The following MTHFD1L variants were observed in gnomAD, a reference collection of about 807,000 sequenced individuals.
The protein encoded by MTHFD1L is methylenetetrahydrofolate dehydrogenase (NADP+ dependent) 1 like, also known as monofunctional C1-tetrahydrofolate synthase, mitochondrial.
A neutral mutation model predicts 119.5 loss-of-function variants in MTHFD1L; 81 were observed. The observed-to-expected ratio is 0.68, with a 90% CI of 0.57 to 0.82. The LOEUF (loss-of-function observed/expected upper bound fraction) is 0.82. Ranked by LOEUF, MTHFD1L falls within the 40% of genes least tolerant of loss-of-function variation. MTHFD1L has a pLI of 0.00. For synonymous variants in MTHFD1L, 430 were observed against 475.2 expected, an observed-to-expected ratio of 0.90 and a Z score of 1.24; for missense variants, 1,125 against 1,253.4, an observed-to-expected ratio of 0.90 and a Z score of 1.55.
In MTHFD1L at chr6:151,031,697, G is replaced by A. The variant is rs551590582; in HGVS notation, c.2587-2796G>A. ...CTTAAAACAAGTTTTAAATTTTGCT[G>A]TAGTGAAATCTATATATCATTTCCT... On this transcript the variant is annotated intron_variant, in intron 24 of 27. Transcript: ENST00000367321. Among the ~76,000 whole-genome samples, 3 of 152,276 alleles carry A rather than the reference G, an allele frequency of 2.0e-5. No homozygotes were observed. In the Middle Eastern group the frequency reaches 0.01, roughly 518 times the overall value.
intron 23 of MTHFD1L, 104 bp from the exon 24 acceptor site, chr6:151,015,412 G>A (rs1378808797): frequency 2.4e-6 from 3 of 1,253,444 alleles, no homozygotes; most frequent in Non-Finnish European, 3.3e-6. Flanking sequence ...TGTTTAAAAT[G>A]TATTCAGTGT....
chr6:151,013,168 C>T (rs571684651), intron 21 of MTHFD1L, among the ~76,000 whole-genome samples: 3 of 152,254 alleles, frequency 2.0e-5, no homozygotes, highest in East Asian at 3.9e-4. Context: ...CTGCTTGAGC[C>T]CAAGAGTTCG....
At chr6:150,894,403 T>C (rs906045636) in intron 7 of MTHFD1L, among the ~76,000 whole-genome samples, 5 of 152,060 alleles carry the variant, frequency 3.3e-5, no homozygotes, top group Non-Finnish European at 1.5e-5. Context: ...CAGCCGAATA[T>C]TGGCCAAGGG....
intron 26 of MTHFD1L, among the ~76,000 whole-genome samples, chr6:151,073,310 A>C (rs897558473): frequency 1.3e-5 from 2 of 152,334 alleles, no homozygotes; most frequent in Non-Finnish European, 2.9e-5. Context: ...GGATCACCCG[A>C]AAGAATGAGG....
At chr6:150,996,540 T>C (rs987708351) in intron 20 of MTHFD1L, among the ~76,000 whole-genome samples, 2 of 152,130 alleles carry the variant, frequency 1.3e-5, no homozygotes, top group African/African-American at 4.8e-5. Context: ...ATTTCCTCCT[T>C]GATCTATGTG....
chr6:150,957,250 A>G (rs1279739327), intron 17 of MTHFD1L, among the ~76,000 whole-genome samples: 3 of 152,230 alleles, frequency 2.0e-5, no homozygotes, highest in Non-Finnish European at 4.4e-5. Context: ...GTAAAAGACA[A>G]TTTATGGATA....
Position 150,938,752 on chromosome 6 carries a change from C to G in MTHFD1L, c.1440+7C>G, listed in dbSNP as rs772748583. 1.9e-6 allele frequency: 3 copies of G among 1,605,364 alleles called. No individual in the cohort carries two copies. The highest frequency in any genetic ancestry group is 2.7e-5 in the African/African-American group (2 of 74,824). On this transcript the variant is annotated splice_region_variant and intron_variant, in intron 13 of 27. Coordinates refer to ENST00000367321, the MANE Select transcript of MTHFD1L (RefSeq NM_015440.5). ...GGTCATCCCCATGGAGGAGGTAAGA[C>G]CTTGAAGAGATGCGGGTCAGCTATC...
At chr6:150,867,706 G>A (rs1051794513) in intron 1 of MTHFD1L, among the ~76,000 whole-genome samples, 1 of 152,010 alleles carries the variant, frequency 6.6e-6, no homozygotes, top group Non-Finnish European at 1.5e-5. Context: ...TGGAGAGAGT[G>A]CCCAGCATGT....
At chr6:150,957,836 C>T (rs199909590) in intron 17 of MTHFD1L, among the ~76,000 whole-genome samples, 1 of 151,878 alleles carries the variant, frequency 6.6e-6, no homozygotes, top group South Asian at 2.1e-4. Context: ...ATTATAGGCA[C>T]TTACAACTTA....
chr6:150,866,334 C>G lies in MTHFD1L; in HGVS notation c.227+285C>G, dbSNP rs749210999. 8.3e-6 allele frequency: 12 copies of G among 1,449,124 alleles called. No individual in the cohort carries two copies. The African/African-American group carries it at 1.8e-4, about 22-fold the overall frequency. 89.8% of individuals were successfully genotyped at this position (1,449,124 alleles called of 1,614,324 possible). A position where few individuals can be genotyped will look rare whatever the true frequency, so the allele number is the denominator to read the frequency against. On this transcript the variant is annotated intron_variant, in intron 1 of 27. Transcript: ENST00000367321. Reference sequence around the variant, plus strand: ...GGCATGGACCGCACGCCCGGCTCCACGTGCGCAGCCGGCCGCCGGCTCTGA... The same window carrying G: ...GGCATGGACCGCACGCCCGGCTCCAGGTGCGCAGCCGGCCGCCGGCTCTGA...
intron 26 of MTHFD1L, among the ~76,000 whole-genome samples, chr6:151,070,647 C>A (rs1791853660): frequency 2.0e-5 from 3 of 152,232 alleles, no homozygotes; most frequent in South Asian, 4.1e-4. Context: ...TAGCACAAAA[C>A]CAGCCGTACT....
chr6:150,979,884 T>C (rs1461528675), intron 20 of MTHFD1L, among the ~76,000 whole-genome samples: 1 of 152,114 alleles, frequency 6.6e-6, no homozygotes, highest in East Asian at 1.9e-4. Flanking sequence ...GTTCTCTCTT[T>C]CCACTTTTAT....
chr6:150,925,043 T>A (rs1789695779), intron 10 of MTHFD1L, among the ~76,000 whole-genome samples: 1 of 152,006 alleles, frequency 6.6e-6, no homozygotes. Flanking sequence ...CCCTACAGGA[T>A]CCTGGAGGAG....
chr6:151,031,346 C>T (rs1584230432), intron 24 of MTHFD1L, among the ~76,000 whole-genome samples: 1 of 152,196 alleles, frequency 6.6e-6, no homozygotes, highest in South Asian at 2.1e-4. Context: ...TTCACACACT[C>T]GGGCTCCATT....
intron 24 of MTHFD1L, among the ~76,000 whole-genome samples, chr6:151,030,812 TA>T (rs1198595571): frequency 6.6e-6 from 1 of 152,222 alleles, no homozygotes; most frequent in Non-Finnish European, 1.5e-5. Context: ...TGCCTCTAGG[TA>T]AATAAGAGAT....
chr6:150,978,101 A>G (rs534050505), intron 20 of MTHFD1L, among the ~76,000 whole-genome samples: 49 of 152,090 alleles, frequency 3.2e-4, no homozygotes, highest in Non-Finnish European at 5.6e-4. Flanking sequence ...TGGTTTCACC[A>G]TGTTAGCCAG....
chr6:151,067,866 C>T (rs1231107124), intron 26 of MTHFD1L, among the ~76,000 whole-genome samples: 2 of 152,230 alleles, frequency 1.3e-5, no homozygotes, highest in Non-Finnish European at 2.9e-5. Context: ...TTATTCTCTT[C>T]CCCTGCCGAT....
intron 7 of MTHFD1L, chr6:150,898,869 C>T (rs931075989): frequency 1.3e-5 from 5 of 399,632 alleles, no homozygotes; most frequent in African/African-American, 6.5e-5. Context: ...GACGGAGTCT[C>T]GTTCTGTCAC....
chr6:151,033,800 C>T (rs1261710647), intron 24 of MTHFD1L, among the ~76,000 whole-genome samples: 13 of 152,112 alleles, frequency 8.5e-5, no homozygotes. Flanking sequence ...ATACTATGAA[C>T]CCGTATTCAG....
Sources: allele counts gnomAD v4.1 joint callset (sites outside exome capture counted in the v4.1 genomes callset), GRCh38; gene constraint gnomAD v4.1.1; transcripts MANE v1.5; gene names NCBI Gene and HGNC (gene_info 2026-07-23, HGNC 2026-07-21).